The following RASGEF1B variants were observed in gnomAD, a reference collection of about 807,000 sequenced individuals.
RASGEF1B encodes ras-GEF domain-containing family member 1B.
In RASGEF1B, 30 loss-of-function variants were observed where a neutral mutation model predicts 65.7. The ratio of observed to expected loss-of-function variants is 0.46; its 90% confidence interval spans 0.34 to 0.62. The LOEUF (loss-of-function observed/expected upper bound fraction) is 0.62. RASGEF1B is among the 20% of genes least tolerant of loss of function. The pLI, the probability that RASGEF1B is intolerant of heterozygous loss-of-function variation, is 0.01. For missense variants in RASGEF1B, 495 were observed against 580.1 expected (o/e 0.85, Z 1.51); for synonymous variants, 175 against 194.8 (o/e 0.90, Z 0.85).
intron 5 of RASGEF1B, among the ~76,000 whole-genome samples, chr4:81,447,793 G>A (rs1395624043): frequency 6.6e-6 from 1 of 152,130 alleles, no homozygotes; most frequent in Non-Finnish European, 1.5e-5. Context: ...GGCTGAGCAG[G>A]TTTTGGAAAA....
intron 6 of RASGEF1B, 41 bp downstream of exon 6, chr4:81,447,463 C>T (rs1369516697): frequency 2.1e-6 from 3 of 1,427,434 alleles, no homozygotes; most frequent in Non-Finnish European, 3.0e-6. Flanking sequence ...TGATAAATCC[C>T]ATTTTTGGTT....
chr4:81,470,819 G>A (rs1053155775), intron 1 of RASGEF1B, among the ~76,000 whole-genome samples: 4 of 152,116 alleles, frequency 2.6e-5, no homozygotes, highest in Admixed American at 6.5e-5. Flanking sequence ...ATTAAGCTAC[G>A]TTGCTTTTGC....
intron 4 of RASGEF1B, 100 bp from the exon 5 acceptor site, chr4:81,448,384 T>G (rs1722120949): frequency 9.7e-7 from 1 of 1,035,948 alleles, no homozygotes; most frequent in Non-Finnish European, 1.5e-6. Context: ...ACCTGGACAT[T>G]GGAGAATAAA....
intron 1 of RASGEF1B, among the ~76,000 whole-genome samples, chr4:81,461,596 C>G (rs1290181133): frequency 1.3e-5 from 2 of 152,196 alleles, no homozygotes; most frequent in African/African-American, 4.8e-5. Context: ...AATCACCTGG[C>G]CCAGTATCTG....
chr4:81,454,910 G>A (rs1248838606), intron 4 of RASGEF1B: 1 of 152,146 alleles, frequency 6.6e-6, no homozygotes, highest in African/African-American at 2.4e-5. Flanking sequence ...GTAAAATTGG[G>A]ATAAATGGCA....
chr4:81,457,983 C>T (rs1342459407), intron 2 of RASGEF1B, among the ~76,000 whole-genome samples: 1 of 152,138 alleles, frequency 6.6e-6, no homozygotes, highest in African/African-American at 2.4e-5. Flanking sequence ...ATATACTACC[C>T]ATACAAAACA....
chr4:81,428,495 A>G (rs1721304819), intron 13 of RASGEF1B, among the ~76,000 whole-genome samples: 1 of 152,224 alleles, frequency 6.6e-6, no homozygotes, highest in Admixed American at 6.5e-5. Flanking sequence ...CCTAAGTAAT[A>G]TGGTATAACA....
At chr4:81,434,979 T>C (rs563744532) in intron 10 of RASGEF1B, among the ~76,000 whole-genome samples, 168 of 152,326 alleles carry the variant, frequency 1.1e-3, no homozygotes, top group Middle Eastern at 3.4e-3. Context: ...AGGTTAGTAC[T>C]TTTATTACAA....
intron 4 of RASGEF1B, among the ~76,000 whole-genome samples, chr4:81,449,991 T>G (rs1239891235): frequency 6.6e-6 from 1 of 152,188 alleles, no homozygotes; most frequent in Non-Finnish European, 1.5e-5. Flanking sequence ...TGGATCACCC[T>G]AAAATCACTA....
chr4:81,447,919 T>C, intron 5 of RASGEF1B, 150 bp downstream of exon 5: 1 of 664,990 alleles, frequency 1.5e-6, no homozygotes, highest in South Asian at 1.9e-5. Flanking sequence ...TTCAAATCCA[T>C]AAACAAAGTA....
chr4:81,438,472 A>G (rs1011531316), intron 10 of RASGEF1B, among the ~76,000 whole-genome samples: 1 of 152,264 alleles, frequency 6.6e-6, no homozygotes, highest in Non-Finnish European at 1.5e-5. Flanking sequence ...TTTCTTGAAT[A>G]AAAGGTAGAT....
At chr4:81,459,575 T>C in intron 1 of RASGEF1B, 61 bp from the exon 2 acceptor site, 1 of 1,239,818 alleles carries the variant, frequency 8.1e-7, no homozygotes, top group South Asian at 1.6e-5. Context: ...AAAATAAAGG[T>C]AAGCTTTAAT....
rs570223469 is a variant in RASGEF1B, at chr4:81,426,576, C to T, written c.*1192G>A. The stretch of plus-strand genomic sequence containing the variant: ...TTTTTCTCATTAGCACGAATTACTA[C>T]TCTACAGTTTCTTCTAGAGTAAATA... On this transcript the variant is annotated 3_prime_UTR_variant, in exon 14 of 14. Transcript: ENST00000264400. The T allele has an allele frequency of 2.6e-4, 39 of 152,308 alleles. No individual in the cohort carries two copies. Among genetic ancestry groups the T allele is most frequent in the African/African-American group, 8.4e-4 (35 of 41,560 alleles). 9.4% of individuals were successfully genotyped at this position (152,308 alleles called of 1,614,324 possible).
intron 8 of RASGEF1B, among the ~76,000 whole-genome samples, chr4:81,444,487 G>A (rs1166501868): frequency 6.6e-6 from 1 of 152,146 alleles, no homozygotes; most frequent in African/African-American, 2.4e-5. Context: ...ACTAAATTTG[G>A]TAGACTCTCT....
chr4:81,450,570 T>C (rs2109984127), intron 4 of RASGEF1B, among the ~76,000 whole-genome samples: 1 of 152,212 alleles, frequency 6.6e-6, no homozygotes, highest in South Asian at 2.1e-4. Context: ...TTTTGTTTGT[T>C]TTTGTTTTTG....
At chr4:81,444,416 T>C (rs916516204) in intron 8 of RASGEF1B, among the ~76,000 whole-genome samples, 1 of 152,180 alleles carries the variant, frequency 6.6e-6, no homozygotes, top group African/African-American at 2.4e-5. Flanking sequence ...GGAAATGATA[T>C]GTAAACAAAA....
intron 1 of RASGEF1B, among the ~76,000 whole-genome samples, chr4:81,466,345 G>C (rs982897244): frequency 6.6e-6 from 1 of 152,154 alleles, no homozygotes; most frequent in Non-Finnish European, 1.5e-5. Flanking sequence ...CTTTCGCCCT[G>C]CTAGAATACA....
intron 3 of RASGEF1B, 132 bp from the exon 4 acceptor site, chr4:81,456,920 C>G: frequency 1.3e-6 from 1 of 763,654 alleles, no homozygotes; most frequent in East Asian, 2.6e-5. Flanking sequence ...GCTCCAGCCC[C>G]CCTCCCTCCA....
intron 8 of RASGEF1B, among the ~76,000 whole-genome samples, chr4:81,444,691 C>T (rs929813297): frequency 4.6e-5 from 7 of 152,160 alleles, no homozygotes; most frequent in South Asian, 2.1e-4. Flanking sequence ...CATGTGCCAC[C>T]ATGCCCAGCT....
Sources: gnomAD v4.1 joint callset for allele counts (sites outside exome capture counted in the v4.1 genomes callset) on GRCh38, gnomAD v4.1.1 for gene constraint, MANE v1.5 for transcripts, NCBI Gene and HGNC (gene_info 2026-07-23, HGNC 2026-07-21) for gene names.